KLHL30: variants seen among roughly 807,000 people sequenced by gnomAD.
The protein encoded by KLHL30 is kelch like family member 30, also known as kelch-like protein 30.
In KLHL30, 55 loss-of-function variants were observed where a neutral mutation model predicts 55.0. The ratio of observed to expected loss-of-function variants is 1.00; its 90% confidence interval spans 0.80 to 1.25. KLHL30 has a LOEUF of 1.25. Ranked by LOEUF, KLHL30 falls within the 50% of genes most tolerant of loss-of-function variation. The probability of loss-of-function intolerance (pLI) is 0.00; values close to 1 mark genes in which losing one functional copy is unlikely to be tolerated. For missense variants in KLHL30, 786 were observed against 811.6 expected, an observed-to-expected ratio of 0.97 and a Z score of 0.38; for synonymous variants, 356 against 372.6, an observed-to-expected ratio of 0.96 and a Z score of 0.51.
intron 2 of KLHL30, 55 bp from the exon 3 acceptor site, chr2:238,142,744 C>A: frequency 7.5e-7 from 1 of 1,340,088 alleles, no homozygotes; most frequent in Non-Finnish European, 9.6e-7. Flanking sequence ...CACGCGGGGG[C>A]TCAGGGCATG....
At chr2:238,139,663 C>T (rs1692495931) in intron 1 of KLHL30, among the ~76,000 whole-genome samples, 1 of 152,212 alleles carries the variant, frequency 6.6e-6, no homozygotes, top group South Asian at 2.1e-4. Flanking sequence ...TCCAGCTGAG[C>T]TTTGTCATTT....
rs1692521405 is a variant in KLHL30 at position 238,140,937 on chromosome 2, G to A, written c.183G>A (p.Met61Ile). The A allele has an allele frequency of 6.2e-7, 1 of 1,611,532 alleles. No individual in the cohort carries two copies. Among genetic ancestry groups the A allele is most frequent in the Non-Finnish European group, 8.5e-7 (1 of 1,178,938 alleles). The change falls in exon 2 of 8, where the codon ATG becomes ATA. Residue 61 changes from methionine to isoleucine, a missense_variant. Transcript: ENST00000409223. ...TCAGCAGCCCCTACTTCCATGCCAT[G>A]TTTGCGGGTGACTTCGCCGAGAGCT... ...LALSSPYFHA[M>I]FAGDFAESFS...
rs373220659 is a variant in KLHL30, at chr2:238,149,351, A to G, written c.1485+199A>G. Among the ~76,000 whole-genome samples the G allele has an allele frequency of 1.2e-4, 16 of 132,478 alleles. 1 individual carries two copies. In the East Asian group the frequency reaches 1.5e-3, roughly 12 times the overall value. 86.9% of individuals were successfully genotyped at this position (132,478 alleles called of 152,430 possible). A position where few individuals can be genotyped will look rare whatever the true frequency, so the allele number is the denominator to read the frequency against. ...TGCCCACAGAGGGCCCACAGTGAAG[A>G]GGGTGGCGCAGGCTGGGGTGCCCAC... On this transcript the variant is annotated intron_variant, in intron 7 of 7. Coordinates refer to ENST00000409223, the MANE Select transcript of KLHL30 (RefSeq NM_198582.4).
rs1692496389 is a variant in KLHL30, at chr2:238,139,681, T to A, written c.-71+923T>A. Among the ~76,000 whole-genome samples the A allele has an allele frequency of 2.0e-5, 3 of 152,182 alleles. No individual in the cohort carries two copies. In the South Asian group the frequency reaches 6.2e-4, roughly 31 times the overall value. ...AGCTGAGCTTTGTCATTTCCATGCG[T>A]GGCGTTCCCACGCATTTTGTACCTG... is the stretch of plus-strand genomic sequence containing the variant. On this transcript the variant is annotated intron_variant, in intron 1 of 7. Transcript: ENST00000409223.
Position 238,141,329 on chromosome 2 carries a change from C to A in KLHL30, c.575C>A (p.Pro192Gln). Residue 192 changes from proline (P) to glutamine (Q), a missense_variant, in exon 2 of 8, where the codon CCG becomes CAG. Pro to Gln is a moderately conservative substitution (Grantham distance 76, BLOSUM62 -1). Coordinates refer to ENST00000409223, the MANE Select transcript of KLHL30 (RefSeq NM_198582.4). ...CLAGDLLQVQ[P>Q]EQSRLEALMR... is the part of the protein sequence containing the mutation. ...GCCGGCGACCTGCTGCAGGTACAGC[C>A]GGAGCAAAGCCGACTCGAGGCCCTG... 1 of 1,596,626 alleles carries A rather than the reference C, an allele frequency of 6.3e-7. No homozygotes were observed. Among genetic ancestry groups the A allele is most frequent in the South Asian group, 1.1e-5 (1 of 90,262 alleles).
At position 238,143,646 on chromosome 2, in the gene KLHL30, G is replaced by A. The variant is rs527244288; in HGVS notation, c.907+715G>A. Among the ~76,000 whole-genome samples the A allele has an allele frequency of 1.7e-4, 26 of 152,362 alleles. No homozygotes were observed. The East Asian group carries it at 1.7e-3, about 10-fold the overall frequency. On this transcript the variant is annotated intron_variant, in intron 3 of 7. Transcript: ENST00000409223. ...CTGGTGTGGGGCCACCAGGCAGGTC[G>A]CCAACCATCTCCTTGGCGTCAGCGG...
chr2:238,144,482 G>GGCAGGCAGGCAGGCAGGCAGGCAT (rs1559276131), intron 3 of KLHL30, among the ~76,000 whole-genome samples: 1 of 148,718 alleles, frequency 6.7e-6, no homozygotes, highest in East Asian at 2.0e-4. Context: ...CAGGCAGGCA[G>GGCAGGCAGGCAGGCAGGCAGGCAT]GCATGCTGTT....
chr2:238,144,422 G>GGAAGGAAGGAAGGAAGGAAGGAAGGAAT (rs1692605034), intron 3 of KLHL30, among the ~76,000 whole-genome samples: 6 of 106,042 alleles, frequency 5.7e-5, no homozygotes, highest in Non-Finnish European at 8.1e-5. Context: ...AAGGAAGGAA[G>GGAAGGAAGGAAGGAAGGAAGGAAGGAAT]GAAGGAAGGA....
chr2:238,142,345 G>A (rs966963743), intron 2 of KLHL30, among the ~76,000 whole-genome samples: 4 of 152,144 alleles, frequency 2.6e-5, no homozygotes, highest in African/African-American at 4.8e-5. Flanking sequence ...GCCCGTGGAC[G>A]GTCACCTTGT....
chr2:238,144,412 A>AGGCAGGCAGGCAGGC (rs1692601535), intron 3 of KLHL30, among the ~76,000 whole-genome samples: 4 of 115,334 alleles, frequency 3.5e-5, no homozygotes, highest in African/African-American at 7.5e-5. Context: ...GGAAGGAAGG[A>AGGCAGGCAGGCAGGC]AGGAAGGAAG....
chr2:238,146,494 T>A (rs894380513), intron 5 of KLHL30, among the ~76,000 whole-genome samples: 5 of 151,242 alleles, frequency 3.3e-5, no homozygotes, highest in Admixed American at 1.3e-4. Context: ...GCAACCTCCA[T>A]CTTCCAGGTT....
At position 238,140,695 on chromosome 2, in the gene KLHL30, G is replaced by T; in HGVS notation, c.-60G>T. On this transcript the variant is annotated 5_prime_UTR_variant, in exon 2 of 8. Coordinates refer to ENST00000409223, the MANE Select transcript of KLHL30 (RefSeq NM_198582.4). ...TCTCTTCTCTCCTAGGAGCTCGGGC[G>T]GCTCCAGGCACTTCTTCCCTTGAGT... 2.1e-6 allele frequency: 3 copies of T among 1,444,028 alleles called. No homozygotes were observed. The East Asian group carries it at 7.5e-5, about 36-fold the overall frequency. The allele number at this position is 1,444,028 out of a possible 1,614,324, so 89.5% of individuals were successfully genotyped here.
intron 1 of KLHL30, among the ~76,000 whole-genome samples, chr2:238,140,185 G>A (rs1368285411): frequency 1.3e-5 from 2 of 152,228 alleles, no homozygotes; most frequent in Non-Finnish European, 2.9e-5. Flanking sequence ...GGACTGTTGT[G>A]GGGCTGAGTG....
In KLHL30 at chr2:238,140,694, C is replaced by A; in HGVS notation, c.-61C>A. On this transcript the variant is annotated 5_prime_UTR_variant, in exon 2 of 8. Coordinates refer to ENST00000409223, the MANE Select transcript of KLHL30 (RefSeq NM_198582.4). ...CTCTCTTCTCTCCTAGGAGCTCGGGCGGCTCCAGGCACTTCTTCCCTTGAG... is the reference window on the plus strand; with the variant it reads ...CTCTCTTCTCTCCTAGGAGCTCGGGAGGCTCCAGGCACTTCTTCCCTTGAG... 2 of 1,442,088 alleles carry A rather than the reference C, an allele frequency of 1.4e-6. No homozygotes were observed. Among genetic ancestry groups the A allele is most frequent in the Non-Finnish European group, 1.8e-6 (2 of 1,087,718 alleles). The allele number at this position is 1,442,088 out of a possible 1,614,324, so 89.3% of individuals were successfully genotyped here.
chr2:238,139,016 T>C (rs1250025558), intron 1 of KLHL30, among the ~76,000 whole-genome samples: 2 of 152,138 alleles, frequency 1.3e-5, no homozygotes, highest in Non-Finnish European at 2.9e-5. Context: ...CCAGGGCCAC[T>C]CAGCCACAGT....
In KLHL30 at chr2:238,140,878, C is replaced by T; in HGVS notation, c.124C>T (p.Arg42Trp). 18 of 1,611,198 alleles carry T rather than the reference C, an allele frequency of 1.1e-5. No individual in the cohort carries two copies. Among genetic ancestry groups the T allele is most frequent in the South Asian group, 2.2e-5 (2 of 91,004 alleles). ...LADVTLLVGG[R>W]ELPCHRGLLA... is the part of the protein sequence containing the mutation. ...CGACGTCACACTGCTGGTGGGCGGC[C>T]GGGAGCTGCCATGCCACCGCGGCCT... Residue 42 changes from arginine to tryptophan, a missense_variant, in exon 2 of 8, where the codon CGG becomes TGG. By Grantham distance (101) the Arg-to-Trp change is moderately radical. Coordinates refer to ENST00000409223, the MANE Select transcript of KLHL30 (RefSeq NM_198582.4).
intron 6 of KLHL30, among the ~76,000 whole-genome samples, chr2:238,148,329 C>A (rs562280412): frequency 6.6e-6 from 1 of 152,134 alleles, no homozygotes; most frequent in Admixed American, 6.5e-5. Flanking sequence ...TGCCAGTGAT[C>A]TGAGCCCAGC....
intron 6 of KLHL30, 147 bp from the exon 7 acceptor site, chr2:238,148,860 G>T: frequency 1.3e-6 from 1 of 748,564 alleles, no homozygotes; most frequent in Non-Finnish European, 2.2e-6. Flanking sequence ...CCTCCCAGCT[G>T]CACCGCAGGG....
intron 3 of KLHL30, among the ~76,000 whole-genome samples, chr2:238,143,329 G>A (rs937535272): frequency 6.6e-6 from 1 of 152,248 alleles, no homozygotes; most frequent in Non-Finnish European, 1.5e-5. Flanking sequence ...TGGGGTGGGG[G>A]GTGAAGGGGT....
Sources: allele counts gnomAD v4.1 joint callset (sites outside exome capture counted in the v4.1 genomes callset), GRCh38; gene constraint gnomAD v4.1.1; transcripts MANE v1.5; gene names NCBI Gene and HGNC (gene_info 2026-07-23, HGNC 2026-07-21).